KCNIP4: variants seen among roughly 807,000 people sequenced by gnomAD.
The protein encoded by KCNIP4 is Kv channel-interacting protein 4.
KCNIP4 carries 12 observed loss-of-function variants against 34.0 expected under a neutral mutation model. The ratio of observed to expected loss-of-function variants is 0.35; its 90% CI spans 0.23 to 0.57. KCNIP4 has a LOEUF of 0.57. Ranked by LOEUF, KCNIP4 falls within the 20% of genes least tolerant of loss-of-function variation. The probability of loss-of-function intolerance (pLI) is 0.83; values close to 1 mark genes in which losing one functional copy is unlikely to be tolerated. For missense variants in KCNIP4, 238 were observed against 311.7 expected, an observed-to-expected ratio of 0.76 and a Z score of 1.78; for synonymous variants, 124 against 102.2, an observed-to-expected ratio of 1.21 and a Z score of -1.29.
chr4:21,692,176 A>T (rs1711731457), intron 1 of KCNIP4, among the ~76,000 whole-genome samples: 1 of 152,238 alleles, frequency 6.6e-6, no homozygotes, highest in Non-Finnish European at 1.5e-5. Context: ...TCTTTGGGAA[A>T]GAGGCTTTAA....
chr4:21,302,271 C>A (rs989132391), intron 1 of KCNIP4, among the ~76,000 whole-genome samples: 1 of 152,182 alleles, frequency 6.6e-6, no homozygotes, highest in South Asian at 2.1e-4. Flanking sequence ...CAAGCAGAAC[C>A]AATACTAGAG....
chr4:21,361,826 C>G (rs964384213), intron 1 of KCNIP4, among the ~76,000 whole-genome samples: 2 of 151,986 alleles, frequency 1.3e-5, no homozygotes, highest in Non-Finnish European at 2.9e-5. Context: ...CTACGTTGCA[C>G]TTATCATAAC....
chr4:21,804,748 A>T, intron 1 of KCNIP4, among the ~76,000 whole-genome samples: 1 of 152,216 alleles, frequency 6.6e-6, no homozygotes, highest in East Asian at 1.9e-4. Flanking sequence ...ACTAAGTTAT[A>T]GAATTTTGTG....
chr4:21,333,537 A>G (rs1276216415), intron 1 of KCNIP4, among the ~76,000 whole-genome samples: 2 of 152,060 alleles, frequency 1.3e-5, no homozygotes, highest in Non-Finnish European at 2.9e-5. Flanking sequence ...TCAAAGTGTT[A>G]GTACAACTTT....
rs1756578951 is a variant in KCNIP4, at chr4:20,778,573, A to G, written c.289-19683T>C. On this transcript the variant is annotated intron_variant, in intron 3 of 8. Transcript: ENST00000382152. ...TTGTACTGCAGCTTTACAAGATGAT[A>G]CTACTGGGGGAAATGGTACCTGGTG... is the stretch of plus-strand genomic sequence containing the variant. Among the ~76,000 whole-genome samples, 3 of 152,210 alleles carry G rather than the reference A, an allele frequency of 2.0e-5. No homozygotes were observed. The South Asian group carries it at 6.2e-4, about 32-fold the overall frequency.
At chr4:21,589,156 G>GTGTATA (rs1175502330) in intron 1 of KCNIP4, among the ~76,000 whole-genome samples, 6 of 71,238 alleles carry the variant, frequency 8.4e-5, no homozygotes, top group Non-Finnish European at 1.1e-4. Context: ...ATGGAGGTGT[G>GTGTATA]TATATATATA....
At chr4:21,447,156 AC>A (rs1560414896) in intron 1 of KCNIP4, among the ~76,000 whole-genome samples, 11 of 152,136 alleles carry the variant, frequency 7.2e-5, no homozygotes, top group African/African-American at 1.7e-4. Context: ...CTACATCCAT[AC>A]TTTTATCTTT....
intron 5 of KCNIP4, among the ~76,000 whole-genome samples, chr4:20,735,460 T>G (rs2149277114): frequency 6.6e-6 from 1 of 152,298 alleles, no homozygotes; most frequent in Non-Finnish European, 1.5e-5. Flanking sequence ...CCTCAGTTTG[T>G]ATCCTGGTTA....
At chr4:21,401,411 C>A (rs949453136) in intron 1 of KCNIP4, among the ~76,000 whole-genome samples, 12 of 152,156 alleles carry the variant, frequency 7.9e-5, no homozygotes, top group African/African-American at 2.9e-4. Flanking sequence ...CAATGGGAAA[C>A]CCAAGGGGCT....
At chr4:21,069,038 G>C (rs1461846731) in intron 1 of KCNIP4, among the ~76,000 whole-genome samples, 1 of 151,984 alleles carries the variant, frequency 6.6e-6, no homozygotes, top group Non-Finnish European at 1.5e-5. Context: ...CTAAAAAAGG[G>C]GCAGATAAAA....
chr4:20,952,802 G>A (rs889221648), intron 1 of KCNIP4, among the ~76,000 whole-genome samples: 3 of 152,106 alleles, frequency 2.0e-5, no homozygotes, highest in African/African-American at 4.8e-5. Context: ...TTTTGAATAA[G>A]TAATTTATAA....
At chr4:21,432,648 G>A (rs560523567) in intron 1 of KCNIP4, among the ~76,000 whole-genome samples, 1 of 152,150 alleles carries the variant, frequency 6.6e-6, no homozygotes, top group Non-Finnish European at 1.5e-5. Flanking sequence ...GATGCTCAAT[G>A]AATGGAAGGT....
At chr4:20,960,370 T>C (rs1200013215) in intron 1 of KCNIP4, among the ~76,000 whole-genome samples, 3 of 152,246 alleles carry the variant, frequency 2.0e-5, no homozygotes, top group Non-Finnish European at 4.4e-5. Context: ...TTCAGAAGCA[T>C]TTTGACAAAA....
chr4:21,775,631 G>A (rs1250050532), intron 1 of KCNIP4, among the ~76,000 whole-genome samples: 1 of 152,180 alleles, frequency 6.6e-6, no homozygotes, highest in African/African-American at 2.4e-5. Context: ...GGCCCAGGGA[G>A]ATTCGAATTC....
rs570246200 is a variant in KCNIP4, at chr4:21,071,045, T to C, written c.62-188336A>G. ...AGATATGTAGTTTATCAATATCTTCTCCCAGTCTGTTGCTTGTCTTTTCAT... is the reference window on the plus strand; with the variant it reads ...AGATATGTAGTTTATCAATATCTTCCCCCAGTCTGTTGCTTGTCTTTTCAT... On this transcript the variant is annotated intron_variant, in intron 1 of 8. Coordinates refer to ENST00000382152, the MANE Select transcript of KCNIP4 (RefSeq NM_025221.6). 4.6e-5 allele frequency among the ~76,000 whole-genome samples: 7 copies of C among 152,190 alleles called. 1 individual carries two copies. The East Asian group carries it at 1.2e-3, about 25-fold the overall frequency.
chr4:21,392,377 T>A (rs770517442), intron 1 of KCNIP4, among the ~76,000 whole-genome samples: 1 of 152,250 alleles, frequency 6.6e-6, no homozygotes, highest in Non-Finnish European at 1.5e-5. Flanking sequence ...CTTGATAGCA[T>A]TAGCTCCAAT....
chr4:21,946,813 A>G (rs1730536672), intron 1 of KCNIP4, among the ~76,000 whole-genome samples: 1 of 152,186 alleles, frequency 6.6e-6, no homozygotes, highest in Admixed American at 6.5e-5. Context: ...TCTGTTCTCT[A>G]AATAAACAGT....
intron 1 of KCNIP4, among the ~76,000 whole-genome samples, chr4:21,373,484 A>G (rs1205217576): frequency 6.8e-6 from 1 of 147,162 alleles, no homozygotes; most frequent in Non-Finnish European, 1.5e-5. Context: ...TGGTTTTCTC[A>G]GCAGATATTT....
At position 21,434,773 on chromosome 4, in the gene KCNIP4, A is replaced by T. The variant is rs76631307; in HGVS notation, c.61+513798T>A. Among the ~76,000 whole-genome samples, 3 of 96,164 alleles carry T rather than the reference A, an allele frequency of 3.1e-5. No individual in the cohort carries two copies. In the East Asian group the frequency reaches 1.1e-3, roughly 35 times the overall value. 63.1% of individuals were successfully genotyped at this position (96,164 alleles called of 152,430 possible). On this transcript the variant is annotated intron_variant, in intron 1 of 8. Coordinates refer to ENST00000382152, the MANE Select transcript of KCNIP4 (RefSeq NM_025221.6). ...CCCCACAACCCTGTCTGTGGGGGGA[A>T]AAAAAAAAAAAAAGGCTTTCCATGA...
Sources: gnomAD v4.1 joint callset for allele counts (sites outside exome capture counted in the v4.1 genomes callset) on GRCh38, gnomAD v4.1.1 for gene constraint, MANE v1.5 for transcripts, NCBI Gene and HGNC (gene_info 2026-07-23, HGNC 2026-07-21) for gene names.